The following RIBC2 variants were observed in gnomAD, a reference collection of about 807,000 sequenced individuals.
The protein encoded by RIBC2 is RIB43A-like with coiled-coils protein 2.
In RIBC2, 40 loss-of-function variants were observed where a neutral mutation model predicts 44.3. That is an observed-to-expected ratio of 0.90 (90% confidence interval 0.70 to 1.18). The LOEUF is 1.18. Among genes scored for constraint, RIBC2 ranks in the 50% most tolerant of loss-of-function variants. RIBC2 has a pLI of 0.00. For synonymous variants in RIBC2, 171 were observed against 175.0 expected (o/e 0.98, Z 0.18); for missense variants, 459 against 485.5 (o/e 0.95, Z 0.51).
chr22:45,426,467 C>T (rs1022479), intron 5 of RIBC2, among the ~76,000 whole-genome samples: 16,841 of 152,286 alleles, frequency 0.11, 966 homozygotes, highest in South Asian at 0.19. Context: ...AAAGGGCGAC[C>T]GGGCAGGGTG....
intron 2 of RIBC2, 148 bp downstream of exon 2, chr22:45,414,551 G>A: frequency 7.9e-6 from 4 of 508,198 alleles, no homozygotes; most frequent in Admixed American, 3.9e-5. Context: ...TGTTGCCCAG[G>A]CTGGTCTGGA....
At chr22:45,427,075 C>T (rs940688780) in intron 5 of RIBC2, among the ~76,000 whole-genome samples, 2 of 152,128 alleles carry the variant, frequency 1.3e-5, no homozygotes, top group Non-Finnish European at 2.9e-5. Context: ...ATTTTGGATA[C>T]GTCAAGTGTG....
Position 45,413,902 on chromosome 22 carries a change from A to G in RIBC2, c.16A>G (p.Met6Val). 1 of 1,551,426 alleles carries G rather than the reference A, an allele frequency of 6.4e-7. No homozygotes were observed. The highest frequency in any genetic ancestry group is 8.7e-7 in the Non-Finnish European group (1 of 1,146,794). ...TAGGCTTTCCATGGGTTCCCAGACC[A>G]TGGCGGTGGCGCTGCCCAGGGACTT... Reference protein sequence around the residue: MGSQTMAVALPRDLRQ... With the variant: MGSQTVAVALPRDLRQ... The change falls in exon 1 of 7, where the codon ATG becomes GTG. Residue 6 changes from methionine (M) to valine (V), a missense_variant. Transcript: ENST00000614167.
At chr22:45,421,705 G>A (rs940882962) in intron 3 of RIBC2, among the ~76,000 whole-genome samples, 1 of 151,632 alleles carries the variant, frequency 6.6e-6, no homozygotes, top group Non-Finnish European at 1.5e-5. Flanking sequence ...AACAGAGCTC[G>A]GAAATGTCTG....
chr22:45,415,986 C>T lies in RIBC2; in HGVS notation c.211+1583C>T, dbSNP rs541028206. On this transcript the variant is annotated intron_variant, in intron 2 of 6. Coordinates refer to ENST00000614167, the MANE Select transcript of RIBC2 (RefSeq NM_015653.5). ...AAGTGTTGGGATTACAGGCATGAGC[C>T]ACCAGGCCCAGCCCCCACGCACTAT... Among the ~76,000 whole-genome samples, 27 of 152,322 alleles carry T rather than the reference C, an allele frequency of 1.8e-4. 1 individual carries two copies. The South Asian group carries it at 2.7e-3, about 15-fold the overall frequency.
intron 2 of RIBC2, 104 bp downstream of exon 2, chr22:45,414,507 A>AT (rs928078590): frequency 3.7e-5 from 26 of 698,588 alleles, no homozygotes; most frequent in Non-Finnish European, 4.6e-5. Flanking sequence ...TTTATTTTTT[A>AT]TTTTTTTTAT....
intron 5 of RIBC2, among the ~76,000 whole-genome samples, chr22:45,426,997 T>G (rs1437348159): frequency 6.6e-6 from 1 of 151,938 alleles, no homozygotes. Context: ...AATTGGCATT[T>G]CCAGAGATGG....
intron 5 of RIBC2, among the ~76,000 whole-genome samples, chr22:45,428,747 G>A (rs1377339774): frequency 6.6e-6 from 1 of 152,186 alleles, no homozygotes. Context: ...GCTGGAGAGG[G>A]AACAGCCTGG....
At chr22:45,430,015 G>A (rs1335922301) in intron 5 of RIBC2, among the ~76,000 whole-genome samples, 1 of 152,154 alleles carries the variant, frequency 6.6e-6, no homozygotes, top group Non-Finnish European at 1.5e-5. Context: ...GCCATTCCCT[G>A]TTTGCCACCA....
rs190709928 is a variant in RIBC2 at position 45,422,914 on chromosome 22, C to T, written c.675+506C>T. ...AAACTCTGGCCCCCCTCCTCCCACA[C>T]ACTCCCCTCCCCTCCAACCTGATGC... On this transcript the variant is annotated intron_variant, in intron 4 of 6. Coordinates refer to ENST00000614167, the MANE Select transcript of RIBC2 (RefSeq NM_015653.5). Among the ~76,000 whole-genome samples the T allele has an allele frequency of 1.1e-4, 17 of 152,114 alleles. No individual in the cohort carries two copies. In the East Asian group the frequency reaches 2.5e-3, roughly 22 times the overall value.
rs6007027 is a variant in RIBC2, at chr22:45,425,846, A to G, written c.676-102A>G. ...CCACCCGACTCCTGCTGCCCTTAGC[A>G]TATCCTCCCCTCGAGGGCCCCCAGT... On this transcript the variant is annotated intron_variant, in intron 4 of 6. Transcript: ENST00000614167. 1.5e-3 allele frequency: 1,448 copies of G among 983,100 alleles called. 16 individuals are homozygous for G. In the African/African-American group the frequency reaches 0.021, roughly 14 times the overall value. 60.9% of individuals were successfully genotyped at this position (983,100 alleles called of 1,614,324 possible). A position where few individuals can be genotyped will look rare whatever the true frequency, so the allele number is the denominator to read the frequency against.
At chr22:45,425,590 AG>A (rs897259724) in intron 4 of RIBC2, among the ~76,000 whole-genome samples, 7 of 152,212 alleles carry the variant, frequency 4.6e-5, no homozygotes, top group African/African-American at 1.7e-4. Flanking sequence ...CAGATGTCCA[AG>A]GGTTGCCAGG....
chr22:45,431,606 CA>C (rs945833076), intron 6 of RIBC2, among the ~76,000 whole-genome samples: 9 of 152,136 alleles, frequency 5.9e-5, no homozygotes, highest in African/African-American at 1.7e-4. Flanking sequence ...ATATTTTCTC[CA>C]ATCCGATATC....
At chr22:45,416,771 A>C (rs771522228) in intron 2 of RIBC2, among the ~76,000 whole-genome samples, 1 of 150,358 alleles carries the variant, frequency 6.7e-6, no homozygotes, top group Admixed American at 6.6e-5. Context: ...CAAATGAGAG[A>C]TCTTGTTTCC....
Position 45,414,035 on chromosome 22 carries a change from G to T in RIBC2, c.129+20G>T, listed in dbSNP as rs1454648662. 3.9e-6 allele frequency: 6 copies of T among 1,551,268 alleles called. No homozygotes were observed. The highest frequency in any genetic ancestry group is 5.2e-6 in the Non-Finnish European group (6 of 1,146,690). On this transcript the variant is annotated intron_variant, in intron 1 of 6. Transcript: ENST00000614167. ...ATTGGGGTGAAAGGGCAGGGGCCGGGACGGGGTTAGAGCGGCAGATGCGGG... is the reference window on the plus strand; with the variant it reads ...ATTGGGGTGAAAGGGCAGGGGCCGGTACGGGGTTAGAGCGGCAGATGCGGG...
chr22:45,418,024 GCAACCCTACAGTTTTT>G lies in RIBC2; in HGVS notation c.556+79_556+94del. Reference sequence around the variant, plus strand: ...CCCTACAGTTTTTTTTTTTTTTTAAGCAACCCTACAGTTTTTTTTTTTTTTTAAGCAACCCTACAGT... The same window carrying G: ...CCCTACAGTTTTTTTTTTTTTTTAAGTTTTTTTTTTAAGCAACCCTACAGT... On this transcript the variant is annotated intron_variant, in intron 3 of 6. Coordinates refer to ENST00000614167, the MANE Select transcript of RIBC2 (RefSeq NM_015653.5). 8 of 859,314 alleles carry G rather than the reference GCAACCCTACAGTTTTT, an allele frequency of 9.3e-6. No homozygotes were observed. The Admixed American group carries it at 1.3e-4, about 14-fold the overall frequency. The allele number at this position is 859,314 out of a possible 1,614,324, so 53.2% of individuals were successfully genotyped here.
intron 6 of RIBC2, among the ~76,000 whole-genome samples, chr22:45,431,882 A>C (rs1262239922): frequency 6.6e-6 from 1 of 152,232 alleles, no homozygotes; most frequent in Middle Eastern, 3.2e-3. Context: ...CTGAGGCAGG[A>C]GGATGGCCTG....
rs116796415 is a variant in RIBC2 at position 45,417,408 on chromosome 22, G to A, written c.212-194G>A. 6.7e-3 allele frequency among the ~76,000 whole-genome samples: 1,018 copies of A among 152,182 alleles called. 9 individuals carry two copies. The highest frequency in any genetic ancestry group is 0.023 in the African/African-American group (973 of 41,514). On this transcript the variant is annotated intron_variant, in intron 2 of 6. Transcript: ENST00000614167. ...GTTTTTAAAGTAGATTCATGGGCTG[G>A]GTTCAGTGGCTCACTTCTATAATCC...
intron 4 of RIBC2, among the ~76,000 whole-genome samples, chr22:45,424,184 G>A (rs1018490925): frequency 2.6e-5 from 4 of 152,298 alleles, no homozygotes; most frequent in Middle Eastern, 3.4e-3. Flanking sequence ...GGGAAAAGCC[G>A]CCCTCTGGCT....
Sources: gnomAD v4.1 joint callset for allele counts (sites outside exome capture counted in the v4.1 genomes callset) on GRCh38, gnomAD v4.1.1 for gene constraint, MANE v1.5 for transcripts, NCBI Gene and HGNC (gene_info 2026-07-23, HGNC 2026-07-21) for gene names.